RAPGEF4: variants seen among roughly 807,000 people sequenced by gnomAD.
RAPGEF4 encodes the protein Rap guanine nucleotide exchange factor 4, also known as RAP guanine-nucleotide-exchange factor (GEF) 4.
A neutral mutation model predicts 147.9 loss-of-function variants in RAPGEF4; 66 were observed. That is an observed-to-expected ratio of 0.45 (90% CI 0.37 to 0.55). The LOEUF is 0.55. Ranked by LOEUF, RAPGEF4 falls within the 20% of genes least tolerant of loss-of-function variation. The pLI, the probability that RAPGEF4 is intolerant of heterozygous loss-of-function variation, is 0.00. For missense variants in RAPGEF4, 1,071 were observed against 1,257.3 expected, an observed-to-expected ratio of 0.85 and a Z score of 2.24; for synonymous variants, 419 against 442.7, an observed-to-expected ratio of 0.95 and a Z score of 0.67.
In RAPGEF4 at chr2:172,988,057, G is replaced by A. The variant is rs1692455993; in HGVS notation, c.1151-139G>A. The A allele has an allele frequency of 7.0e-5, 92 of 1,306,056 alleles. No individual in the cohort carries two copies. The South Asian group carries it at 1.7e-3, about 23-fold the overall frequency. The allele number at this position is 1,306,056 out of a possible 1,614,324, so 80.9% of individuals were successfully genotyped here. On this transcript the variant is annotated intron_variant, in intron 12 of 30. Coordinates refer to ENST00000397081, the MANE Select transcript of RAPGEF4 (RefSeq NM_007023.4). ...AGGAGATAATGTGCCACCTGAACAA[G>A]TTAATATTTGCCAGTGATGTTTCTC...
At position 172,818,400 on chromosome 2, in the gene RAPGEF4, G is replaced by A. The variant is rs142647586; in HGVS notation, c.444+3975G>A. Among the ~76,000 whole-genome samples the A allele has an allele frequency of 5.9e-3, 899 of 152,230 alleles. 1 individual carries two copies. Among genetic ancestry groups the A allele is most frequent in the Non-Finnish European group, 8.9e-3 (606 of 68,000 alleles). ...AATATAAAAAGAAAGCAGCAGCAAG[G>A]TCAACTGGATAAGGCCTCCACCATC... On this transcript the variant is annotated intron_variant, in intron 4 of 30. Coordinates refer to ENST00000397081, the MANE Select transcript of RAPGEF4 (RefSeq NM_007023.4).
intron 1 of RAPGEF4, chr2:172,744,457 C>T (rs1385262572): frequency 1.1e-5 from 5 of 455,746 alleles, no homozygotes; most frequent in Non-Finnish European, 2.2e-5. Context: ...GCGTGGTCAT[C>T]TCTAGAGAGA....
chr2:172,759,630 A>G (rs1009221209), intron 1 of RAPGEF4, among the ~76,000 whole-genome samples: 1 of 152,190 alleles, frequency 6.6e-6, no homozygotes, highest in Non-Finnish European at 1.5e-5. Context: ...CATATGGTTC[A>G]TTGGTTGCCA....
At chr2:172,934,210 C>T (rs951285902) in intron 6 of RAPGEF4, among the ~76,000 whole-genome samples, 51 of 123,680 alleles carry the variant, frequency 4.1e-4, no homozygotes, top group Non-Finnish European at 5.4e-4. Flanking sequence ...AGTGCGATGG[C>T]GCAATCTCGG....
chr2:172,855,357 T>C (rs1016020669), intron 4 of RAPGEF4, among the ~76,000 whole-genome samples: 4 of 152,220 alleles, frequency 2.6e-5, no homozygotes, highest in Admixed American at 2.0e-4. Context: ...CTTTATGTTA[T>C]TGTTGATGAT....
intron 10 of RAPGEF4, among the ~76,000 whole-genome samples, chr2:172,973,158 G>A (rs1044862683): frequency 2.7e-5 from 4 of 148,944 alleles, no homozygotes; most frequent in African/African-American, 7.4e-5. Flanking sequence ...TGTCACCCAG[G>A]CTGGAGTGCA....
chr2:173,011,757 C>T (rs983274730), intron 17 of RAPGEF4, among the ~76,000 whole-genome samples: 3 of 151,028 alleles, frequency 2.0e-5, no homozygotes, highest in Non-Finnish European at 2.9e-5. Flanking sequence ...TGCCTAAGTA[C>T]TTGTAAAGCA....
At chr2:172,817,411 G>A (rs2149613144) in intron 4 of RAPGEF4, among the ~76,000 whole-genome samples, 3 of 152,276 alleles carry the variant, frequency 2.0e-5, no homozygotes, top group Middle Eastern at 6.8e-3. Context: ...CAGATAATAG[G>A]TTTAGTAAAA....
chr2:172,900,493 C>A (rs896159370), intron 4 of RAPGEF4, among the ~76,000 whole-genome samples: 1 of 152,178 alleles, frequency 6.6e-6, no homozygotes, highest in Non-Finnish European at 1.5e-5. Context: ...CCTACCTCAG[C>A]CTCCTGAAGT....
chr2:172,816,638 C>T (rs1402818814), intron 4 of RAPGEF4, among the ~76,000 whole-genome samples: 2 of 152,154 alleles, frequency 1.3e-5, no homozygotes, highest in African/African-American at 4.8e-5. Context: ...GAGGGCTGTC[C>T]TTGCTATCTA....
intron 1 of RAPGEF4, among the ~76,000 whole-genome samples, chr2:172,755,459 A>G (rs1480662935): frequency 6.6e-6 from 1 of 152,144 alleles, no homozygotes; most frequent in Non-Finnish European, 1.5e-5. Flanking sequence ...CAGTGGTGCA[A>G]TCTCGGCTCA....
chr2:173,021,581 C>G (rs1325601384), intron 23 of RAPGEF4, among the ~76,000 whole-genome samples: 1 of 152,112 alleles, frequency 6.6e-6, no homozygotes, highest in African/African-American at 2.4e-5. Context: ...GAGCGAGACT[C>G]TGCCTCAAAA....
chr2:172,773,650 C>G (rs560896364), intron 1 of RAPGEF4, among the ~76,000 whole-genome samples: 43 of 151,982 alleles, frequency 2.8e-4, no homozygotes, highest in Middle Eastern at 3.4e-3. Flanking sequence ...CACTGCCCCC[C>G]CCGCGGACCA....
At chr2:172,991,175 T>C (rs1210210850) in intron 15 of RAPGEF4, among the ~76,000 whole-genome samples, 2 of 152,198 alleles carry the variant, frequency 1.3e-5, no homozygotes, top group Non-Finnish European at 2.9e-5. Context: ...ACTCTTTGTA[T>C]ACAGTGTTCA....
At chr2:172,955,636 G>A (rs902847660) in intron 6 of RAPGEF4, among the ~76,000 whole-genome samples, 1 of 152,186 alleles carries the variant, frequency 6.6e-6, no homozygotes, top group Non-Finnish European at 1.5e-5. Context: ...TTGGAGAGGG[G>A]TCCATGCCTT....
intron 1 of RAPGEF4, among the ~76,000 whole-genome samples, chr2:172,743,772 C>T (rs951446616): frequency 1.3e-5 from 2 of 152,100 alleles, no homozygotes; most frequent in Admixed American, 6.5e-5. Flanking sequence ...TTCTTTCTGC[C>T]TGGAGTTACT....
At chr2:172,814,898 G>T (rs1456906494) in intron 4 of RAPGEF4, among the ~76,000 whole-genome samples, 1 of 152,236 alleles carries the variant, frequency 6.6e-6, no homozygotes, top group Admixed American at 6.5e-5. Flanking sequence ...ACATAAAGAT[G>T]TCTGGTTACT....
At chr2:172,860,264 G>C in intron 4 of RAPGEF4, 1 of 985,436 alleles carries the variant, frequency 1.0e-6, no homozygotes, top group African/African-American at 1.7e-5. Flanking sequence ...TACCCCTAGG[G>C]CTCCTGCCGT....
chr2:173,003,521 T>C (rs768490179), intron 17 of RAPGEF4, among the ~76,000 whole-genome samples: 171 of 152,328 alleles, frequency 1.1e-3, no homozygotes, highest in Non-Finnish European at 1.7e-3. Flanking sequence ...GCTAAGAGCA[T>C]TGACCAATAT....
Sources: gnomAD v4.1 joint callset for allele counts (sites outside exome capture counted in the v4.1 genomes callset) on GRCh38, gnomAD v4.1.1 for gene constraint, MANE v1.5 for transcripts, NCBI Gene and HGNC (gene_info 2026-07-23, HGNC 2026-07-21) for gene names.